Variants in CDH23 observed in about 807,000 individuals in gnomAD.
The protein encoded by CDH23 is cadherin related 23.
Under a neutral mutation model 317.1 loss-of-function variants are expected in CDH23, and 189 were observed. That is an observed-to-expected ratio of 0.60 (90% CI 0.53 to 0.67). The LOEUF is 0.67. Among genes scored for constraint, CDH23 ranks in the 30% least tolerant of loss-of-function variants. The pLI is 0.00. For synonymous variants in CDH23, 1,839 were observed against 1,876.8 expected (o/e 0.98, Z 0.52); for missense variants, 4,401 against 4,592.4 (o/e 0.96, Z 1.20).
chr10:71,406,410 G>A (rs145828706), intron 1 of CDH23, among the ~76,000 whole-genome samples: 2 of 152,266 alleles, frequency 1.3e-5, no homozygotes, highest in Non-Finnish European at 2.9e-5. Flanking sequence ...CTGGGGCCAG[G>A]TAAATGCAAA....
intron 8 of CDH23, among the ~76,000 whole-genome samples, chr10:71,576,621 G>T (rs1004730500): frequency 6.6e-6 from 1 of 152,140 alleles, no homozygotes; most frequent in South Asian, 2.1e-4. Context: ...ATTTCCCTAG[G>T]GGGTGGGGAC....
chr10:71,571,625 G>A (rs1298191597), intron 8 of CDH23, among the ~76,000 whole-genome samples: 1 of 152,224 alleles, frequency 6.6e-6, no homozygotes, highest in Non-Finnish European at 1.5e-5. Flanking sequence ...GCCATCTCTA[G>A]TCTCATAACC....
rs764735364 is a variant in CDH23, at chr10:71,682,396, C to T, written c.1859-49C>T. On this transcript the variant is annotated intron_variant, in intron 17 of 69. Coordinates refer to ENST00000224721, the MANE Select transcript of CDH23 (RefSeq NM_022124.6). ...CAAAGGGGACCCCTGTCTGGACGGG[C>T]ATCTCAAGTCTGCTTACAGAGGGAT... The T allele has an allele frequency of 2.5e-6, 4 of 1,599,808 alleles. No individual in the cohort carries two copies. In the Admixed American group the frequency reaches 6.8e-5, roughly 27 times the overall value.
In CDH23 at chr10:71,803,188, C is replaced by T. The variant is rs762868192; in HGVS notation, c.7661-21C>T. On this transcript the variant is annotated intron_variant, in intron 54 of 69. Transcript: ENST00000224721. ...GGGAAGGATGTCTCAACCAGAGCTA[C>T]TCTCCTGCTCCCACTGCCAGAGGCC... 2.5e-6 allele frequency: 4 copies of T among 1,608,780 alleles called. No homozygotes were observed. The South Asian group carries it at 4.4e-5, about 18-fold the overall frequency.
intron 6 of CDH23, among the ~76,000 whole-genome samples, chr10:71,516,335 A>C (rs1854329651): frequency 6.6e-6 from 1 of 152,158 alleles, no homozygotes; most frequent in Admixed American, 6.5e-5. Context: ...TGGGAGCCTG[A>C]GAGGTGGAGG....
chr10:71,788,221 T>C (rs1036943365), intron 44 of CDH23, among the ~76,000 whole-genome samples: 1 of 151,506 alleles, frequency 6.6e-6, no homozygotes, highest in Non-Finnish European at 1.5e-5. Flanking sequence ...CTAATTTTTT[T>C]GTATTTTAAG....
intron 19 of CDH23, among the ~76,000 whole-genome samples, chr10:71,688,932 G>A (rs1458624247): frequency 4.6e-5 from 5 of 108,584 alleles, no homozygotes; most frequent in Non-Finnish European, 8.8e-5. Flanking sequence ...GGAGCCAGGG[G>A]TGGTGGAGCC....
chr10:71,787,982 G>A (rs766313395), intron 44 of CDH23, among the ~76,000 whole-genome samples: 4 of 152,170 alleles, frequency 2.6e-5, no homozygotes, highest in Non-Finnish European at 5.9e-5. Flanking sequence ...TGCCACAGTG[G>A]CTGAAGGAAT....
At chr10:71,790,728 CAG>C in intron 46 of CDH23, 1 of 466,292 alleles carries the variant, frequency 2.1e-6, no homozygotes, top group Non-Finnish European at 3.9e-6. Flanking sequence ...CCTAGTCCAG[CAG>C]AAGTAGCCAG....
intron 38 of CDH23, chr10:71,755,394 A>T (rs1466744090): frequency 6.2e-7 from 1 of 1,613,386 alleles, no homozygotes; most frequent in Admixed American, 1.7e-5. Context: ...CTTGTAGACC[A>T]GGAGCAGGAT....
intron 20 of CDH23, among the ~76,000 whole-genome samples, chr10:71,691,369 G>C (rs1227083): frequency 0.51 from 77,970 of 152,010 alleles, 20,420 homozygotes; most frequent in South Asian, 0.66. Flanking sequence ...TCTGAGCCAG[G>C]TGCTGGGGTA....
chr10:71,647,449 C>A (rs1324368886), intron 14 of CDH23, among the ~76,000 whole-genome samples: 1 of 123,612 alleles, frequency 8.1e-6, no homozygotes, highest in African/African-American at 3.2e-5. Flanking sequence ...GGCGACAGAG[C>A]CAGATTCTGT....
intron 38 of CDH23, chr10:71,760,841 A>G (rs1299414451): frequency 1.9e-6 from 3 of 1,605,650 alleles, no homozygotes; most frequent in Admixed American, 3.3e-5. Flanking sequence ...CAGAGAACCC[A>G]AAAGGGGCAA....
chr10:71,499,334 G>A (rs901933461), intron 3 of CDH23, among the ~76,000 whole-genome samples: 4 of 152,240 alleles, frequency 2.6e-5, no homozygotes, highest in African/African-American at 7.2e-5. Flanking sequence ...GGCTGAGGCA[G>A]GCAGATCACC....
Position 71,439,857 on chromosome 10 carries a change from G to T in CDH23, c.26G>T (p.Cys9Phe). The T allele has an allele frequency of 6.4e-6, 10 of 1,573,026 alleles. No homozygotes were observed. The highest frequency in any genetic ancestry group is 8.6e-6 in the Non-Finnish European group (10 of 1,158,042). Residue 9 changes from cysteine (C) to phenylalanine (F), a missense_variant, in exon 2 of 70, where the codon TGC becomes TTC. Coordinates refer to ENST00000224721, the MANE Select transcript of CDH23 (RefSeq NM_022124.6). ...ATGGGGCGCCATGTTGCCACCAGCT[G>T]CCACGTGGCCTGGCTTTTGGTGCTG... MGRHVATS[C>F]HVAWLLVLIS...
rs1847545336 is a variant in CDH23, at chr10:71,396,951, GGAGA to G, written c.-369_-366del. Reference sequence around the variant, plus strand: ...GGACTTGAGCGGCGGCGGCGGCTCGGGAGAGAGGGACGCGGGCTGCAGGCGCGAT... The same window carrying G: ...GGACTTGAGCGGCGGCGGCGGCTCGGGAGGGACGCGGGCTGCAGGCGCGAT... On this transcript the variant is annotated 5_prime_UTR_variant, in exon 1 of 70. Coordinates refer to ENST00000224721, the MANE Select transcript of CDH23 (RefSeq NM_022124.6). This position sits in a 1 kb window ranked among gnomAD's most constrained non-coding sequence, Gnocchi z 4.2. The G allele has an allele frequency of 6.5e-6, 1 of 153,558 alleles. No individual in the cohort carries two copies. Among genetic ancestry groups the G allele is most frequent in the African/African-American group, 2.4e-5 (1 of 41,290 alleles). The allele number at this position is 153,558 out of a possible 1,614,324, so 9.5% of individuals were successfully genotyped here.
Position 71,815,470 on chromosome 10 carries a change from C to G in CDH23, c.*192C>G. 2.0e-6 allele frequency: 1 copy of G among 507,462 alleles called. No individual in the cohort carries two copies. The highest frequency in any genetic ancestry group is 3.5e-6 in the Non-Finnish European group (1 of 287,818). The allele number at this position is 507,462 out of a possible 1,614,324, so 31.4% of individuals were successfully genotyped here. A position where few individuals can be genotyped will look rare whatever the true frequency, so the allele number is the denominator to read the frequency against. On this transcript the variant is annotated 3_prime_UTR_variant, in exon 70 of 70. Transcript: ENST00000224721. Reference sequence around the variant, plus strand: ...GCCAGACGCTCATTCAGCATCTGACCTCTACCTTCATAAGATCTGTTATTT... The same window carrying G: ...GCCAGACGCTCATTCAGCATCTGACGTCTACCTTCATAAGATCTGTTATTT...
Position 71,709,153 on chromosome 10 carries a change from C to A in CDH23, c.3162C>A (p.Thr1054=). The change falls in exon 27 of 70, where the codon ACC becomes ACA. Residue 1054 remains threonine (T), a synonymous_variant. Coordinates refer to ENST00000224721, the MANE Select transcript of CDH23 (RefSeq NM_022124.6). The stretch of plus-strand genomic sequence containing the variant: ...GTTACCGCGATGCCGTTGTGAGAAC[C>A]GTGGTGGGCCTGGACCGGGAGACCA... ...SVGYRDAVVR[T]VVGLDRETTA... 2 of 1,613,978 alleles carry A rather than the reference C, an allele frequency of 1.2e-6. No individual in the cohort carries two copies. Among genetic ancestry groups the A allele is most frequent in the Non-Finnish European group, 1.7e-6 (2 of 1,179,898 alleles).
intron 6 of CDH23, among the ~76,000 whole-genome samples, chr10:71,554,348 C>T (rs1266946868): frequency 6.7e-6 from 1 of 149,674 alleles, no homozygotes; most frequent in Non-Finnish European, 1.5e-5. Flanking sequence ...CAGGTGCACA[C>T]CACCACACTG....
Sources: allele counts gnomAD v4.1 joint callset (sites outside exome capture counted in the v4.1 genomes callset), GRCh38; gene constraint gnomAD v4.1.1; non-coding constraint Gnocchi (gnomAD v3.1); transcripts MANE v1.5; gene names NCBI Gene and HGNC (gene_info 2026-07-23, HGNC 2026-07-21).